The following MEF2C variants were observed in gnomAD, a reference collection of about 807,000 sequenced individuals.
The protein encoded by MEF2C is myocyte enhancer factor 2C.
A neutral mutation model predicts 50.5 loss-of-function variants in MEF2C; 6 were observed. That is an observed-to-expected ratio of 0.12 (90% CI 0.07 to 0.23). The LOEUF (loss-of-function observed/expected upper bound fraction) is 0.23. MEF2C is among the 10% of genes least tolerant of loss of function. The pLI, the probability that MEF2C is intolerant of heterozygous loss-of-function variation, is 1.00. For missense variants in MEF2C, 276 were observed against 605.0 expected (o/e 0.46, Z 5.70); for synonymous variants, 183 against 228.0 (o/e 0.80, Z 1.78).
chr5:88,896,687 G>T (rs1835152631), intron 1 of MEF2C, among the ~76,000 whole-genome samples: 1 of 152,140 alleles, frequency 6.6e-6, no homozygotes, highest in South Asian at 2.1e-4. Flanking sequence ...TCAAAAGGAA[G>T]AAATAAGATT....
chr5:88,873,087 C>G (rs1303756951), intron 1 of MEF2C, among the ~76,000 whole-genome samples: 1 of 151,750 alleles, frequency 6.6e-6, no homozygotes, highest in African/African-American at 2.4e-5. Context: ...CGTTGGAGTT[C>G]TGGTCTAACA....
At position 88,883,018 on chromosome 5, in the gene MEF2C, A is replaced by AG. The variant is rs947113811; in HGVS notation, c.-207dup. 2 of 152,056 alleles carry AG rather than the reference A, an allele frequency of 1.3e-5. No individual in the cohort carries two copies. Among genetic ancestry groups the AG allele is most frequent in the African/African-American group, 4.8e-5 (2 of 41,330 alleles). The allele number at this position is 152,056 out of a possible 1,614,324, so 9.4% of individuals were successfully genotyped here. ...TTCCTTTCTTAAGAGAGAGAGAGAG[A>AG]GAAAAAAAAAATAACAACAATAATC... On this transcript the variant is annotated 5_prime_UTR_variant, in exon 1 of 11. Coordinates refer to ENST00000504921, the MANE Select transcript of MEF2C (RefSeq NM_002397.5).
intron 3 of MEF2C, among the ~76,000 whole-genome samples, chr5:88,795,856 T>A (rs1219049982): frequency 1.3e-5 from 2 of 152,208 alleles, no homozygotes; most frequent in East Asian, 1.9e-4. Context: ...GGAAGGAGTG[T>A]TGAATTTTAT....
intron 6 of MEF2C, among the ~76,000 whole-genome samples, chr5:88,746,915 C>T (rs1303457927): frequency 2.6e-5 from 4 of 152,220 alleles, no homozygotes; most frequent in East Asian, 3.9e-4. Flanking sequence ...ACTACATGCT[C>T]GTAGCTATAA....
chr5:88,759,095 C>T (rs1324587367), intron 4 of MEF2C, among the ~76,000 whole-genome samples: 2 of 152,196 alleles, frequency 1.3e-5, no homozygotes, highest in Non-Finnish European at 2.9e-5. Flanking sequence ...TAAGGTACTC[C>T]GCCTTAACAT....
intron 2 of MEF2C, among the ~76,000 whole-genome samples, chr5:88,811,294 A>G (rs559016513): frequency 6.6e-6 from 1 of 152,278 alleles, no homozygotes; most frequent in Non-Finnish European, 1.5e-5. Flanking sequence ...GCATATGTCC[A>G]TGCGAAGAGG....
At chr5:88,792,164 C>T (rs1794076153) in intron 3 of MEF2C, among the ~76,000 whole-genome samples, 1 of 151,916 alleles carries the variant, frequency 6.6e-6, no homozygotes, top group South Asian at 2.1e-4. Flanking sequence ...AAATACTGGT[C>T]CAATGTTGCT....
At chr5:88,849,784 T>C (rs1429099344) in intron 1 of MEF2C, among the ~76,000 whole-genome samples, 1 of 152,120 alleles carries the variant, frequency 6.6e-6, no homozygotes, top group Non-Finnish European at 1.5e-5. Flanking sequence ...AAAAAAACAC[T>C]GAAGAGATAA....
chr5:88,796,521 C>T (rs111773074), intron 3 of MEF2C, among the ~76,000 whole-genome samples: 5,335 of 152,104 alleles, frequency 0.035, 107 homozygotes, highest in Non-Finnish European at 0.042. Context: ...TGATTCTTCT[C>T]TCTCTTCTTT....
chr5:88,843,228 C>G, intron 1 of MEF2C: 9 of 506,768 alleles, frequency 1.8e-5, no homozygotes, highest in Non-Finnish European at 1.9e-5. Flanking sequence ...TTTTTTAATT[C>G]TATGGTAAAA....
intron 3 of MEF2C, among the ~76,000 whole-genome samples, chr5:88,780,348 C>T (rs1258783646): frequency 6.6e-6 from 1 of 152,062 alleles, no homozygotes; most frequent in Non-Finnish European, 1.5e-5. Flanking sequence ...TTTGTTGTAC[C>T]TCCTATCAGT....
intron 3 of MEF2C, among the ~76,000 whole-genome samples, chr5:88,799,198 A>T (rs1797249360): frequency 6.6e-6 from 1 of 152,214 alleles, no homozygotes; most frequent in Non-Finnish European, 1.5e-5. Context: ...TGCTCTCTTT[A>T]GAGCCAGCAG....
chr5:88,760,386 C>G (rs909823192), intron 4 of MEF2C, among the ~76,000 whole-genome samples: 4 of 152,178 alleles, frequency 2.6e-5, no homozygotes, highest in Admixed American at 2.6e-4. Flanking sequence ...TCTGATAAAG[C>G]TTTAAAATCA....
At chr5:88,794,233 A>G (rs556921452) in intron 3 of MEF2C, among the ~76,000 whole-genome samples, 4 of 152,292 alleles carry the variant, frequency 2.6e-5, no homozygotes, top group Non-Finnish European at 5.9e-5. Context: ...GTCTTCCACA[A>G]TGGTTGAACT....
chr5:88,764,830 A>AG (rs1224409020), intron 3 of MEF2C, among the ~76,000 whole-genome samples: 2 of 146,634 alleles, frequency 1.4e-5, no homozygotes, highest in Non-Finnish European at 3.0e-5. Flanking sequence ...AAAAAAAAAA[A>AG]GAAGTAGAAA....
intron 1 of MEF2C, among the ~76,000 whole-genome samples, chr5:88,890,822 C>G (rs1198192040): frequency 2.6e-5 from 4 of 152,150 alleles, no homozygotes; most frequent in Non-Finnish European, 5.9e-5. Flanking sequence ...ACCCAGACAC[C>G]TAATTTTTTT....
At chr5:88,757,119 C>T (rs1444478876) in intron 4 of MEF2C, among the ~76,000 whole-genome samples, 1 of 152,128 alleles carries the variant, frequency 6.6e-6, no homozygotes, top group Non-Finnish European at 1.5e-5. Flanking sequence ...ACAGACATGA[C>T]AGCTAAAAAA....
intron 1 of MEF2C, among the ~76,000 whole-genome samples, chr5:88,834,673 A>G (rs1193237683): frequency 6.6e-6 from 1 of 152,082 alleles, no homozygotes; most frequent in Admixed American, 6.6e-5. Flanking sequence ...ATTTGAGGAG[A>G]TGACGTTTGA....
chr5:88,739,144 G>A (rs888053802), intron 6 of MEF2C: 27 of 984,820 alleles, frequency 2.7e-5, no homozygotes, highest in African/African-American at 7.0e-5. Flanking sequence ...TAGTATCTGC[G>A]ATTAGTTGTT....
Sources: gnomAD v4.1 joint callset for allele counts (sites outside exome capture counted in the v4.1 genomes callset) on GRCh38, gnomAD v4.1.1 for gene constraint, MANE v1.5 for transcripts, NCBI Gene and HGNC (gene_info 2026-07-23, HGNC 2026-07-21) for gene names.